CLSTN1: variants seen among roughly 807,000 people sequenced by gnomAD.
CLSTN1 encodes calsyntenin 1, also known as calsyntenin-1.
A neutral mutation model predicts 108.3 loss-of-function variants in CLSTN1; 28 were observed. The observed-to-expected ratio is 0.26, with a 90% confidence interval of 0.19 to 0.35. The LOEUF (loss-of-function observed/expected upper bound fraction) is 0.35, where lower values mean the gene tolerates loss of function less well. Ranked by LOEUF, CLSTN1 falls within the 10% of genes least tolerant of loss-of-function variation. The probability of loss-of-function intolerance (pLI) is 1.00; values close to 1 mark genes in which losing one functional copy is unlikely to be tolerated. For synonymous variants in CLSTN1, 524 were observed against 534.9 expected, an observed-to-expected ratio of 0.98 and a Z score of 0.28; for missense variants, 1,157 against 1,302.6, an observed-to-expected ratio of 0.89 and a Z score of 1.72.
At chr1:9,736,141 T>C (rs1650677601) in intron 11 of CLSTN1, 99 bp from the exon 12 acceptor site, 7 of 1,411,448 alleles carry the variant, frequency 5.0e-6, no homozygotes, top group East Asian at 4.6e-5. Flanking sequence ...GGCAGCTCAG[T>C]GGATGGACAT....
chr1:9,743,838 G>A lies in CLSTN1; in HGVS notation c.1356+46C>T. The A allele has an allele frequency of 1.9e-6, 3 of 1,607,912 alleles. No individual in the cohort carries two copies. In the South Asian group the frequency reaches 3.3e-5, roughly 18 times the overall value. The stretch of plus-strand genomic sequence containing the variant: ...CTCCCAAAGTGCTGGGATTATAGGT[G>A]TGAGCACCTTGCCCGGCCCTATTAG... On this transcript the variant is annotated intron_variant, in intron 9 of 18. Coordinates refer to ENST00000377298, the MANE Select transcript of CLSTN1 (RefSeq NM_001009566.3).
intron 1 of CLSTN1, among the ~76,000 whole-genome samples, chr1:9,789,928 A>G (rs541793599): frequency 2.6e-5 from 4 of 151,474 alleles, no homozygotes; most frequent in Non-Finnish European, 5.9e-5. Context: ...GCAATGAGTC[A>G]TAACTGCACC....
At position 9,748,619 on chromosome 1, in the gene CLSTN1, T is replaced by C. The variant is rs145142448; in HGVS notation, c.985+842A>G. Among the ~76,000 whole-genome samples, 638 of 152,078 alleles carry C rather than the reference T, an allele frequency of 4.2e-3. 12 individuals carry two copies. In the East Asian group the frequency reaches 0.043, roughly 10 times the overall value. ...CCTCCTCCCTCAGCCCCCCAAGTAG[T>C]TGGGACTACAGGCGTGCACCGCCAT... On this transcript the variant is annotated intron_variant, in intron 7 of 18. Coordinates refer to ENST00000377298, the MANE Select transcript of CLSTN1 (RefSeq NM_001009566.3).
At position 9,731,303 on chromosome 1, in the gene CLSTN1, G is replaced by A; in HGVS notation, c.2651C>T (p.Ala884Val). ...ATCCCGCATGGTCCGCCGATGTGCG[G>A]CCCGGATCCGAAATACCCCCAGGAT... is the stretch of plus-strand genomic sequence containing the variant. ...MIILGVFRIR[A>V]AHRRTMRDQD... The change falls in exon 18 of 19, where the codon GCC (alanine) becomes GTC (valine). Residue 884 changes from alanine (A) to valine (V), a missense_variant. Transcript: ENST00000377298. 6.2e-7 allele frequency: 1 copy of A among 1,614,254 alleles called. No homozygotes were observed. The highest frequency in any genetic ancestry group is 8.5e-7 in the Non-Finnish European group (1 of 1,180,050).
intron 2 of CLSTN1, among the ~76,000 whole-genome samples, chr1:9,766,266 C>G (rs1021001268): frequency 6.6e-6 from 1 of 152,146 alleles, no homozygotes; most frequent in Non-Finnish European, 1.5e-5. Context: ...AGAGGAGGCA[C>G]GGCTTCTGAC....
chr1:9,749,342 G>A, intron 7 of CLSTN1, 119 bp downstream of exon 7: 2 of 1,040,836 alleles, frequency 1.9e-6, no homozygotes, highest in Non-Finnish European at 2.7e-6. Flanking sequence ...CTTCAGAAAT[G>A]CAGATTCTCT....
intron 1 of CLSTN1, among the ~76,000 whole-genome samples, chr1:9,788,733 T>G (rs539525018): frequency 1.2e-3 from 179 of 150,846 alleles, no homozygotes; most frequent in Non-Finnish European, 2.2e-3. Flanking sequence ...CCAGGCGTGG[T>G]GGCGGGTGCC....
intron 2 of CLSTN1, among the ~76,000 whole-genome samples, chr1:9,762,460 CA>C (rs534167959): frequency 0.25 from 29,985 of 120,212 alleles, 6,661 homozygotes; most frequent in African/African-American, 0.6. Flanking sequence ...GACTCTGTCT[CA>C]AAAAAAAAAA....
rs572007265 is a variant in CLSTN1, at chr1:9,744,545, C to A, written c.1084G>T (p.Val362Leu). 6.2e-7 allele frequency: 1 copy of A among 1,613,626 alleles called. No homozygotes were observed. Among genetic ancestry groups the A allele is most frequent in the African/African-American group, 1.3e-5 (1 of 74,936 alleles). ...GCCTGGGTGCCGTTGAACTCAAACACCTGGTCGCTGTCGTGGCCATTGTCG... is the reference window on the plus strand; with the variant it reads ...GCCTGGGTGCCGTTGAACTCAAACAACTGGTCGCTGTCGTGGCCATTGTCG... ...PTDNGHDSDQ[V>L]FEFNGTQAVR... The change falls in exon 8 of 19, where the codon GTG becomes TTG. Residue 362 changes from valine (V) to leucine (L), a missense_variant. Physicochemically the swap from Val to Leu is conservative, Grantham distance 32. Coordinates refer to ENST00000377298, the MANE Select transcript of CLSTN1 (RefSeq NM_001009566.3).
At chr1:9,793,389 G>T (rs6668190) in intron 1 of CLSTN1, among the ~76,000 whole-genome samples, 23 of 151,474 alleles carry the variant, frequency 1.5e-4, no homozygotes, top group Non-Finnish European at 2.8e-4. Flanking sequence ...ATCCACGGCA[G>T]CTGTGGGCCG....
chr1:9,820,868 T>C (rs1409356821), intron 1 of CLSTN1, among the ~76,000 whole-genome samples: 1 of 152,116 alleles, frequency 6.6e-6, no homozygotes, highest in East Asian at 1.9e-4. Flanking sequence ...GAAACAGGAT[T>C]TAGGGGTTCA....
chr1:9,761,724 G>A (rs1308521566), intron 2 of CLSTN1, among the ~76,000 whole-genome samples: 1 of 152,112 alleles, frequency 6.6e-6, no homozygotes, highest in African/African-American at 2.4e-5. Context: ...TTCCTAATCT[G>A]AGGATGGCCC....
intron 2 of CLSTN1, among the ~76,000 whole-genome samples, chr1:9,771,261 C>T (rs1652659985): frequency 6.6e-6 from 1 of 152,138 alleles, no homozygotes; most frequent in Admixed American, 6.6e-5. Flanking sequence ...AGGTGGATCA[C>T]CTGAGGCCAG....
chr1:9,818,818 A>ACTCTGTCG (rs1206666131), intron 1 of CLSTN1, among the ~76,000 whole-genome samples: 1 of 110,018 alleles, frequency 9.1e-6, no homozygotes, highest in Non-Finnish European at 1.7e-5. Context: ...ACGGAGTCTC[A>ACTCTGTCG]CTCTGTCGCC....
At chr1:9,762,195 C>A (rs978222948) in intron 2 of CLSTN1, among the ~76,000 whole-genome samples, 1 of 152,066 alleles carries the variant, frequency 6.6e-6, no homozygotes, top group Non-Finnish European at 1.5e-5. Context: ...GGTGTGGTGG[C>A]CCACACCTGT....
Position 9,730,543 on chromosome 1 carries a change from G to T in CLSTN1, c.2911C>A (p.Gln971Lys). ...GDPQNATRQQ[Q>K]LEWDDSTLSY ...AGGGTGGAGTCATCCCACTCCAGCTGCTGCTGCCGGGTTGCGTTCTGGGGG... is the reference window on the plus strand; with the variant it reads ...AGGGTGGAGTCATCCCACTCCAGCTTCTGCTGCCGGGTTGCGTTCTGGGGG... Residue 971 changes from glutamine (Q) to lysine (K), a missense_variant, in exon 19 of 19, where the codon CAG becomes AAG. By Grantham distance (53) the Gln-to-Lys change is moderately conservative. Transcript: ENST00000377298. The surrounding 1 kb of genome is among the most constrained non-coding windows in gnomAD (Gnocchi z 5.6). 1 of 1,607,046 alleles carries T rather than the reference G, an allele frequency of 6.2e-7. No individual in the cohort carries two copies.
Position 9,823,670 on chromosome 1 carries a change from ACAGCAGCCCGGCCAG to A in CLSTN1, c.49_63del (p.Leu17_Leu21del). On this transcript the variant is annotated inframe_deletion, in exon 1 of 19. Transcript: ENST00000377298. This position sits in a 1 kb window ranked among gnomAD's most constrained non-coding sequence, Gnocchi z 6.3. ...CGCGCGGCCCAGACCCCGCCGCCGC[ACAGCAGCCCGGCCAG>A]CAGCAGCCGGGCGGCCGGGGCCAGC... The A allele has an allele frequency of 8.5e-7, 1 of 1,176,176 alleles. No homozygotes were observed. Among genetic ancestry groups the A allele is most frequent in the Non-Finnish European group, 1.1e-6 (1 of 951,212 alleles). The allele number at this position is 1,176,176 out of a possible 1,614,324, so 72.9% of individuals were successfully genotyped here.
intron 8 of CLSTN1, 138 bp downstream of exon 8, chr1:9,744,257 C>A: frequency 7.6e-7 from 1 of 1,313,048 alleles, no homozygotes; most frequent in East Asian, 2.4e-5. Flanking sequence ...GAACCAAGTG[C>A]CCCAGGCACA....
chr1:9,804,323 A>C lies in CLSTN1; in HGVS notation c.91+19320T>G, dbSNP rs189651457. ...AGTTGCAGTGAGCTGAGATCATGCC[A>C]CTGCACTCCAGCCTGGCGACAGAGA... is the stretch of plus-strand genomic sequence containing the variant. On this transcript the variant is annotated intron_variant, in intron 1 of 18. Transcript: ENST00000377298. Among the ~76,000 whole-genome samples the C allele has an allele frequency of 3.4e-5, 5 of 145,154 alleles. No individual in the cohort carries two copies. In the East Asian group the frequency reaches 1.0e-3, roughly 30 times the overall value.
Sources: allele counts gnomAD v4.1 joint callset (sites outside exome capture counted in the v4.1 genomes callset), GRCh38; gene constraint gnomAD v4.1.1; non-coding constraint Gnocchi (gnomAD v3.1); transcripts MANE v1.5; gene names NCBI Gene and HGNC (gene_info 2026-07-23, HGNC 2026-07-21).